Variants in CAPRIN2 observed in about 807,000 individuals in gnomAD.
The protein encoded by CAPRIN2 is caprin family member 2.
Under a neutral mutation model 130.4 loss-of-function variants are expected in CAPRIN2, and 66 were observed. That is an observed-to-expected ratio of 0.51 (90% CI 0.42 to 0.62). The LOEUF (loss-of-function observed/expected upper bound fraction) is 0.62. Ranked by LOEUF, CAPRIN2 falls within the 20% of genes least tolerant of loss-of-function variation. The probability of loss-of-function intolerance (pLI) is 0.00; values close to 1 mark genes in which losing one functional copy is unlikely to be tolerated. For synonymous variants in CAPRIN2, 471 were observed against 444.1 expected (o/e 1.06, Z -0.76); for missense variants, 1,185 against 1,246.6 (o/e 0.95, Z 0.74).
At chr12:30,724,696 A>G (rs1281203749) in intron 9 of CAPRIN2, among the ~76,000 whole-genome samples, 2 of 152,168 alleles carry the variant, frequency 1.3e-5, no homozygotes, top group African/African-American at 4.8e-5. Flanking sequence ...AGAGTGCTAA[A>G]ACCACAAGAG....
rs566493430 is a variant in CAPRIN2 at position 30,719,422 on chromosome 12, T to C, written c.2148+1389A>G. 6.4e-4 allele frequency: 372 copies of C among 583,186 alleles called. 2 individuals carry two copies. The highest frequency in any genetic ancestry group is 3.1e-3 in the South Asian group (126 of 40,624). 36.1% of individuals were successfully genotyped at this position (583,186 alleles called of 1,614,324 possible). A position where few individuals can be genotyped will look rare whatever the true frequency, so the allele number is the denominator to read the frequency against. On this transcript the variant is annotated intron_variant, in intron 12 of 16. Coordinates refer to ENST00000298892, the Ensembl canonical transcript of CAPRIN2. ...CATACCAGTATTTGCTTTGCACAGCTTGCTGACTAAGTGAAAGAGTCTTAC... is the reference window on the plus strand; with the variant it reads ...CATACCAGTATTTGCTTTGCACAGCCTGCTGACTAAGTGAAAGAGTCTTAC...
rs533170414 is a variant in CAPRIN2 at position 30,753,091 on chromosome 12, A to C, written c.420+253T>G. On this transcript the variant is annotated intron_variant, in intron 1 of 16. Transcript: ENST00000298892. ...CTACATAAGGAATTAATCTCACCTA[A>C]AATAGCTAGCTCTTAAAGTATTTCA... Among the ~76,000 whole-genome samples, 386 of 152,376 alleles carry C rather than the reference A, an allele frequency of 2.5e-3. 2 individuals are homozygous for C. The highest frequency in any genetic ancestry group is 4.4e-3 in the Non-Finnish European group (300 of 68,044).
intron 2 of CAPRIN2, among the ~76,000 whole-genome samples, chr12:30,743,346 T>C (rs7136079): frequency 0.65 from 98,517 of 151,976 alleles, 33,288 homozygotes; most frequent in African/African-American, 0.84. Context: ...CAAATTCAAA[T>C]GTGTTTTCAG....
rs2054043158 is a variant in CAPRIN2, at chr12:30,710,662, A to G, written c.2666-192T>C. 2.4e-6 allele frequency: 2 copies of G among 836,914 alleles called. No individual in the cohort carries two copies. Among genetic ancestry groups the G allele is most frequent in the African/African-American group, 3.4e-5 (2 of 58,206 alleles). 51.8% of individuals were successfully genotyped at this position (836,914 alleles called of 1,614,324 possible). A position where few individuals can be genotyped will look rare whatever the true frequency, so the allele number is the denominator to read the frequency against. On this transcript the variant is annotated intron_variant, in intron 16 of 16. Transcript: ENST00000298892. The surrounding 1 kb of genome is among the most constrained non-coding windows in gnomAD (Gnocchi z 4.8). ...GGTTTTTACATACTCTTCTAAAGCC[A>G]GAAAGGTCCAAGATAATCTTGTCTA...
At chr12:30,726,148 A>C in intron 8 of CAPRIN2, 60 bp from the exon 10 acceptor site, 1 of 1,317,978 alleles carries the variant, frequency 7.6e-7, no homozygotes, top group Non-Finnish European at 9.8e-7. Context: ...CTAATCTAGG[A>C]AACAGTTTAT....
chr12:30,750,880 G>A (rs1445797343), intron 2 of CAPRIN2, among the ~76,000 whole-genome samples, 191 bp downstream of exon 3: 1 of 152,112 alleles, frequency 6.6e-6, no homozygotes, highest in Non-Finnish European at 1.5e-5. Context: ...CCATCTTCTA[G>A]TCAACAGAAC....
intron 12 of CAPRIN2, among the ~76,000 whole-genome samples, chr12:30,717,325 T>C (rs1045463718): frequency 1.3e-5 from 2 of 152,154 alleles, no homozygotes; most frequent in Admixed American, 6.5e-5. Context: ...GTAAGCCAGA[T>C]ACAAAAGGAA....
chr12:30,754,154 A>G (rs1592384951), exon 1 of CAPRIN2: 1 of 180,558 alleles, frequency 5.5e-6, no homozygotes, highest in African/African-American at 2.3e-5. Context: ...TCTGGGGCCT[A>G]CAAGGCAATC....
At chr12:30,752,471 T>C (rs1392137668) in intron 1 of CAPRIN2, among the ~76,000 whole-genome samples, 4 of 151,278 alleles carry the variant, frequency 2.6e-5, no homozygotes, top group Non-Finnish European at 5.9e-5. Flanking sequence ...CCTGGCACAC[T>C]CACCTTACCA....
chr12:30,753,438 C>A (rs145069052), exon 1 of CAPRIN2: 9 of 1,614,110 alleles, frequency 5.6e-6, no homozygotes, highest in Non-Finnish European at 6.8e-6. Context: ...TGCAGCAGAA[C>A]TCAGAGTAGA....
intron 2 of CAPRIN2, among the ~76,000 whole-genome samples, chr12:30,741,582 G>A (rs2067453161): frequency 6.6e-6 from 1 of 152,072 alleles, no homozygotes; most frequent in Non-Finnish European, 1.5e-5. Flanking sequence ...AATATGCAAT[G>A]TCCTACAGGA....
In CAPRIN2 at chr12:30,734,994, G is replaced by A. The variant is rs771475893; in HGVS notation, c.783C>T (p.Thr261=). The change falls in exon 4 of 17, where the codon ACC becomes ACT. Residue 261 remains threonine, a synonymous_variant. Transcript: ENST00000298892. ...TCAGACTTTCATTTCTTTCAGGGCAGGTCAGTTTTGAAAACTTAATGAGGT... is the reference window on the plus strand; with the variant it reads ...TCAGACTTTCATTTCTTTCAGGGCAAGTCAGTTTTGAAAACTTAATGAGGT... The A allele has an allele frequency of 1.9e-6, 3 of 1,612,966 alleles. No homozygotes were observed. In the East Asian group the frequency reaches 6.7e-5, roughly 36 times the overall value.
At chr12:30,720,558 C>T (rs967558712) in intron 12 of CAPRIN2, 3 of 298,046 alleles carry the variant, frequency 1.0e-5, no homozygotes, top group Non-Finnish European at 1.9e-5. Flanking sequence ...GCTACCTACA[C>T]TTTTCATTTT....
In CAPRIN2 at chr12:30,733,612, G is replaced by C. The variant is rs986934435; in HGVS notation, c.892+17C>G. The C allele has an allele frequency of 6.4e-7, 1 of 1,563,450 alleles. No homozygotes were observed. Among genetic ancestry groups the C allele is most frequent in the African/African-American group, 1.4e-5 (1 of 73,934 alleles). On this transcript the variant is annotated intron_variant, in intron 5 of 16. Coordinates refer to ENST00000298892, the Ensembl canonical transcript of CAPRIN2. ...GTTTAGTATTTACTGCATAAGTCCAGAGTAGAGAAAACTCACATGTCGTTC... is the reference window on the plus strand; with the variant it reads ...GTTTAGTATTTACTGCATAAGTCCACAGTAGAGAAAACTCACATGTCGTTC...
intron 11 of CAPRIN2, among the ~76,000 whole-genome samples, chr12:30,722,276 C>T (rs1002046686): frequency 6.6e-6 from 1 of 151,900 alleles, no homozygotes; most frequent in Non-Finnish European, 1.5e-5. Flanking sequence ...ACCAATGTTC[C>T]AAAAAATGGG....
chr12:30,753,755 T>A, exon 1 of CAPRIN2: 1 of 1,605,512 alleles, frequency 6.2e-7, no homozygotes, highest in Non-Finnish European at 8.5e-7. Flanking sequence ...GAGATACTTG[T>A]ACTTCCATCC....
intron 9 of CAPRIN2, 54 bp from the exon 11 acceptor site, chr12:30,724,505 C>T: frequency 8.4e-7 from 1 of 1,186,824 alleles, no homozygotes; most frequent in Non-Finnish European, 1.3e-6. Context: ...CATTTAAAAG[C>T]TATTACCATT....
chr12:30,716,726 G>C (rs957438201), intron 12 of CAPRIN2, 50 bp from the exon 15 acceptor site: 2 of 1,562,202 alleles, frequency 1.3e-6, no homozygotes, highest in Non-Finnish European at 1.7e-6. Context: ...CAAAGAAAAT[G>C]CTTAAGGGTG....
intron 2 of CAPRIN2, among the ~76,000 whole-genome samples, chr12:30,744,560 C>G (rs371321010): frequency 5.3e-5 from 8 of 152,158 alleles, no homozygotes; most frequent in African/African-American, 1.4e-4. Context: ...CTCCCTCCCC[C>G]CTTTCACTGG....
Sources: allele counts gnomAD v4.1 joint callset (sites outside exome capture counted in the v4.1 genomes callset), GRCh38; gene constraint gnomAD v4.1.1; non-coding constraint Gnocchi (gnomAD v3.1); transcripts MANE v1.5; gene names NCBI Gene and HGNC (gene_info 2026-07-23, HGNC 2026-07-21).